The following OCRL variants were observed in gnomAD, a reference collection of about 807,000 sequenced individuals.
OCRL encodes the protein OCRL inositol polyphosphate-5-phosphatase.
In OCRL, 8 loss-of-function variants were observed where a neutral mutation model predicts 78.9. That is an observed-to-expected ratio of 0.10 (90% CI 0.06 to 0.18). The LOEUF (loss-of-function observed/expected upper bound fraction) is 0.18. Among genes scored for constraint, OCRL ranks in the 10% least tolerant of loss-of-function variants. OCRL has a pLI of 1.00. For missense variants in OCRL, 454 were observed against 696.7 expected, an observed-to-expected ratio of 0.65 and a Z score of 3.92; for synonymous variants, 240 against 235.4, an observed-to-expected ratio of 1.02 and a Z score of -0.18.
chrX:129,577,000 C>CTTTGT (rs2124419573), intron 18 of OCRL, among the ~76,000 whole-genome samples: 1 of 111,511 alleles, frequency 9.0e-6, no homozygotes, highest in African/African-American at 3.2e-5. Context: ...ATCTAGCACC[C>CTTTGT]AGATTTCCTG....
intron 13 of OCRL, among the ~76,000 whole-genome samples, chrX:129,566,105 A>G (rs183780655): frequency 3.6e-5 from 4 of 112,244 alleles, no homozygotes; most frequent in African/African-American, 3.2e-5. Flanking sequence ...AGTAAATACA[A>G]CATTTATTCA....
intron 3 of OCRL, among the ~76,000 whole-genome samples, chrX:129,545,610 A>G (rs191190319): frequency 1.2e-4 from 13 of 112,215 alleles, no homozygotes; most frequent in Admixed American, 4.7e-4. Flanking sequence ...TTCATCTGCT[A>G]CAATGAAACT....
chrX:129,568,054 C>T (rs1219783732), intron 14 of OCRL, among the ~76,000 whole-genome samples: 1 of 110,651 alleles, frequency 9.0e-6, no homozygotes, highest in Non-Finnish European at 1.9e-5. Context: ...GCTGGGACTA[C>T]AGGCGCCCGC....
chrX:129,566,142 A>G (rs760787735), intron 13 of OCRL, among the ~76,000 whole-genome samples: 23 of 112,481 alleles, frequency 2.0e-4, no homozygotes, highest in Non-Finnish European at 3.8e-4. Context: ...AAGAGATTTC[A>G]GAGATTTGTC....
intron 4 of OCRL, among the ~76,000 whole-genome samples, chrX:129,550,580 T>G (rs1935946007): frequency 9.0e-6 from 1 of 111,710 alleles, no homozygotes; most frequent in South Asian, 3.7e-4. Flanking sequence ...GTGGTGGATT[T>G]TATTTGCTGC....
At chrX:129,547,083 G>T (rs1170983623) in intron 3 of OCRL, among the ~76,000 whole-genome samples, 1 of 110,877 alleles carries the variant, frequency 9.0e-6, no homozygotes, top group Non-Finnish European at 1.9e-5. Context: ...AACAACATTT[G>T]CCAGACGTGG....
At chrX:129,554,778 C>T (rs1278447966) in intron 4 of OCRL, among the ~76,000 whole-genome samples, 1 of 108,872 alleles carries the variant, frequency 9.2e-6, no homozygotes, top group South Asian at 3.9e-4. Context: ...ATGGTGAAAC[C>T]GCGTCTCTAC....
rs1170152691 is a variant in OCRL at position 129,581,861 on chromosome X, CTCTCTG to C, written c.2116-2470_2116-2465del. 2.0e-3 allele frequency among the ~76,000 whole-genome samples: 193 copies of C among 94,220 alleles called. 1 individual carries two copies. The highest frequency in any genetic ancestry group is 0.012 in the East Asian group (26 of 2,191). 81.8% of individuals were successfully genotyped at this position (94,220 alleles called of 115,157 possible). A position where few individuals can be genotyped will look rare whatever the true frequency, so the allele number is the denominator to read the frequency against. ...TCTCTCTCTCTCTCTCTCTCTCTCT[CTCTCTG>C]TCTCTGTCTCTGCCCTTCATTTTTT... On this transcript the variant is annotated intron_variant, in intron 18 of 23. Transcript: ENST00000371113.
chrX:129,584,328 C>T lies in OCRL; in HGVS notation c.2116-16C>T. 2 of 1,204,199 alleles carry T rather than the reference C, an allele frequency of 1.7e-6. No homozygotes were observed. The highest frequency in any genetic ancestry group is 1.8e-5 in the South Asian group (1 of 56,776). ...TTCTGTCTGTCAATGACTTTCTTTT[C>T]CTGCTCCGCTCTCAGGAAGAAGACA... On this transcript the variant is annotated splice_polypyrimidine_tract_variant and intron_variant, in intron 18 of 23. Transcript: ENST00000371113.
At chrX:129,560,744 C>A in intron 9 of OCRL, 93 bp downstream of exon 9, 1 of 582,936 alleles carries the variant, frequency 1.7e-6, no homozygotes, top group Non-Finnish European at 2.9e-6. Context: ...GTTGGTAAAA[C>A]CTACTGTAGA....
In OCRL at chrX:129,575,917, G is replaced by A; in HGVS notation, c.1734G>A (p.Lys578=). 4 of 1,211,912 alleles carry A rather than the reference G, an allele frequency of 3.3e-6. No homozygotes were observed. Among genetic ancestry groups the A allele is most frequent in the Non-Finnish European group, 4.5e-6 (4 of 895,490 alleles). Residue 578 remains lysine, a synonymous_variant, in exon 17 of 24, where the codon AAG becomes AAA. Transcript: ENST00000371113. ...SRREFVFENV[K]FRQLQKEKFQ... ...CCCAGTTTGTGTTTGAAAATGTGAAGTTTCGGCAACTACAAAAGGAGAAGT... is the reference window on the plus strand; with the variant it reads ...CCCAGTTTGTGTTTGAAAATGTGAAATTTCGGCAACTACAAAAGGAGAAGT...
At chrX:129,581,657 C>A (rs1466634228) in intron 18 of OCRL, among the ~76,000 whole-genome samples, 9 of 101,939 alleles carry the variant, frequency 8.8e-5, no homozygotes, top group Non-Finnish European at 1.8e-4. Context: ...TATGTATATA[C>A]CTTTTATTAT....
intron 2 of OCRL, among the ~76,000 whole-genome samples, 162 bp downstream of exon 2, chrX:129,540,985 C>T (rs1935790587): frequency 1.8e-5 from 2 of 111,642 alleles, no homozygotes; most frequent in African/African-American, 6.5e-5. Context: ...GGCTTTGTCC[C>T]CAACTTCCAA....
intron 19 of OCRL, among the ~76,000 whole-genome samples, chrX:129,585,525 TAGC>T (rs1296914955): frequency 8.9e-6 from 1 of 112,211 alleles, no homozygotes; most frequent in African/African-American, 3.2e-5. Flanking sequence ...TCCAGAGAGT[TAGC>T]AGAGTGCATG....
chrX:129,576,769 A>G (rs1179344775), intron 18 of OCRL, among the ~76,000 whole-genome samples: 1 of 112,044 alleles, frequency 8.9e-6, no homozygotes, highest in Non-Finnish European at 1.9e-5. Context: ...AGTACAATAC[A>G]TAATACTAAG....
chrX:129,575,154 T>C lies in OCRL; in HGVS notation c.1617T>C (p.Asp539=), dbSNP rs1226890905. 1 of 1,202,756 alleles carries C rather than the reference T, an allele frequency of 8.3e-7. No homozygotes were observed. The highest frequency in any genetic ancestry group is 2.2e-5 in the Admixed American group (1 of 46,061). ...ALFHIGVKVV[D]ERRYRKVFED... ...TTTTCTTTCAGGTGAAGGTTGTGGA[T>C]GAACGAAGGTACCGGAAAGTCTTTG... The change falls in exon 16 of 24, where the codon GAT becomes GAC. Residue 539 remains aspartate (D), a synonymous_variant. Transcript: ENST00000371113.
Position 129,576,307 on chromosome X carries a change from T to C in OCRL, c.1880-10T>C. ...TTTCCTATTACCATGTATCATCTCTTACATTTCAGATGAGACAGTGGACAT... is the reference window on the plus strand; with the variant it reads ...TTTCCTATTACCATGTATCATCTCTCACATTTCAGATGAGACAGTGGACAT... On this transcript the variant is annotated splice_polypyrimidine_tract_variant and intron_variant, in intron 17 of 23. Transcript: ENST00000371113. The C allele has an allele frequency of 8.4e-7, 1 of 1,185,248 alleles. No individual in the cohort carries two copies. Among genetic ancestry groups the C allele is most frequent in the South Asian group, 1.8e-5 (1 of 56,373 alleles).
intron 19 of OCRL, among the ~76,000 whole-genome samples, chrX:129,585,671 C>T (rs755386261): frequency 9.0e-6 from 1 of 111,425 alleles, no homozygotes; most frequent in East Asian, 2.8e-4. Flanking sequence ...GTGATAGAAT[C>T]CCAGGGAAAG....
chrX:129,548,649 C>T (rs781485154), intron 4 of OCRL, 48 bp downstream of exon 4: 1 of 1,029,541 alleles, frequency 9.7e-7, no homozygotes, highest in East Asian at 3.0e-5. Flanking sequence ...CAAATATTTA[C>T]TTGAACACTC....
Sources: gnomAD v4.1 joint callset for allele counts (sites outside exome capture counted in the v4.1 genomes callset) on GRCh38, gnomAD v4.1.1 for gene constraint, MANE v1.5 for transcripts, NCBI Gene and HGNC (gene_info 2026-07-23, HGNC 2026-07-21) for gene names.